Variants in POLR2F observed in about 807,000 individuals in gnomAD.
The protein encoded by POLR2F is RNA polymerase II, I and III subunit F.
Under a neutral mutation model 22.7 loss-of-function variants are expected in POLR2F, and 12 were observed. The observed-to-expected ratio is 0.53, with a 90% CI of 0.34 to 0.86. The LOEUF is 0.86. Among genes scored for constraint, POLR2F ranks in the 40% least tolerant of loss-of-function variants. The pLI is 0.02. For synonymous variants in POLR2F, 57 were observed against 66.0 expected (o/e 0.86, Z 0.66); for missense variants, 126 against 171.5 (o/e 0.73, Z 1.48).
Position 37,953,736 on chromosome 22 carries a change from CG to C in POLR2F, c.-49del, listed in dbSNP as rs375296929. 3.4e-5 allele frequency: 54 copies of C among 1,589,648 alleles called. No individual in the cohort carries two copies. Among genetic ancestry groups the C allele is most frequent in the Middle Eastern group, 3.5e-4 (2 of 5,658 alleles). Reference sequence around the variant, plus strand: ...GCGCGAGTCGTAGTGTCGCTGTTTGCGGGTCTCCGCGCGGGACCGGGGCGCA... The same window carrying C: ...GCGCGAGTCGTAGTGTCGCTGTTTGCGGTCTCCGCGCGGGACCGGGGCGCA... On this transcript the variant is annotated 5_prime_UTR_variant, in exon 1 of 5. Transcript: ENST00000442738.
At position 38,006,056 on chromosome 22, in the gene POLR2F, C is replaced by T. The variant is rs138634742; in HGVS notation, c.120+19744C>T. Among the ~76,000 whole-genome samples the T allele has an allele frequency of 7.9e-5, 12 of 152,028 alleles. 1 individual carries two copies. Among genetic ancestry groups the T allele is most frequent in the African/African-American group, 2.9e-4 (12 of 41,454 alleles). ...TGGGCAACCTAGTGAGACACCATCT[C>T]TATTGAAAAAAAATATTAGCCAAGT... On this transcript the variant is annotated intron_variant, in intron 1 of 2. Coordinates refer to the POLR2F transcript ENST00000333418.
At position 37,986,389 on chromosome 22, in the gene POLR2F, G is replaced by A. The variant is rs1382080122; in HGVS notation, c.120+77G>A. 1.6e-5 allele frequency: 24 copies of A among 1,530,596 alleles called. No homozygotes were observed. The highest frequency in any genetic ancestry group is 1.9e-5 in the Non-Finnish European group (22 of 1,144,610). 94.8% of individuals were successfully genotyped at this position (1,530,596 alleles called of 1,614,324 possible). On this transcript the variant is annotated intron_variant, in intron 1 of 2. Coordinates refer to the POLR2F transcript ENST00000333418. The surrounding 1 kb of genome is among the most constrained non-coding windows in gnomAD (Gnocchi z 4.7). ...GACCTCCCCGCTCTCTGCTGTGTCT[G>A]TGACTGGCCTGAGACCCGCCTGGGG... is the stretch of plus-strand genomic sequence containing the variant.
upstream of POLR2F, chr22:37,986,015 T>G: frequency 1.1e-4 from 72 of 681,852 alleles, no homozygotes; most frequent in Middle Eastern, 6.1e-4. This position sits in a 1 kb window ranked among gnomAD's most constrained non-coding sequence, Gnocchi z 4.7. Flanking sequence ...CTGCCAACCC[T>G]CCTCCCCCCG....
Position 37,968,606 on chromosome 22 carries a change from A to C in POLR2F, c.*891A>C. ...CTTCCTTTCTCCACCCTGCTTACCC[A>C]ACCTGAGGTAAGACCAGTCACACTG... On this transcript the variant is annotated 3_prime_UTR_variant, in exon 5 of 5. Coordinates refer to ENST00000442738, the MANE Select transcript of POLR2F (RefSeq NM_021974.5). 1 of 985,580 alleles carries C rather than the reference A, an allele frequency of 1.0e-6. No homozygotes were observed. 61.1% of individuals were successfully genotyped at this position (985,580 alleles called of 1,614,324 possible).
intron 1 of POLR2F, chr22:37,988,333 A>G (rs1210340833): frequency 6.7e-6 from 1 of 148,226 alleles, no homozygotes; most frequent in Admixed American, 6.7e-5. Flanking sequence ...TCTGTCTCAA[A>G]AAAAAAAAAA....
At chr22:38,025,455 C>T (rs2084998973) in intron 1 of POLR2F, 1 of 1,337,526 alleles carries the variant, frequency 7.5e-7, no homozygotes, top group Admixed American at 3.3e-5. Flanking sequence ...TTCATATACA[C>T]ACACGTACTC....
In POLR2F at chr22:37,978,108, G is replaced by T; in HGVS notation, c.293+10938G>T. The T allele has an allele frequency of 6.3e-7, 1 of 1,584,672 alleles. No individual in the cohort carries two copies. Among genetic ancestry groups the T allele is most frequent in the East Asian group, 2.3e-5 (1 of 44,182 alleles). ...GGAGCCGCTCAGCCTCCTCGATGAA[G>T]GGGCGCTTGTCACTTTCGTTCAGCA... On this transcript the variant is annotated intron_variant, in intron 4 of 4. Transcript: ENST00000405557. This position sits in a 1 kb window ranked among gnomAD's most constrained non-coding sequence, Gnocchi z 5.0.
chr22:38,020,198 C>T (rs1188502168), intron 1 of POLR2F, among the ~76,000 whole-genome samples: 1 of 119,494 alleles, frequency 8.4e-6, no homozygotes, highest in Non-Finnish European at 1.7e-5. Flanking sequence ...AATACACACA[C>T]ACATATATAC....
intron 1 of POLR2F, among the ~76,000 whole-genome samples, chr22:38,007,645 G>A (rs1368853579): frequency 6.6e-6 from 1 of 152,176 alleles, no homozygotes; most frequent in African/African-American, 2.4e-5. Context: ...AGGGCACCGC[G>A]GGCCTCCAGT....
chr22:38,026,806 G>A (rs994258755), downstream of POLR2F: 4 of 148,164 alleles, frequency 2.7e-5, no homozygotes, highest in African/African-American at 1.0e-4. Context: ...CCATCCCTGC[G>A]AGCGCCCCAC....
At chr22:37,957,870 A>G (rs961494975) in intron 2 of POLR2F, among the ~76,000 whole-genome samples, 2 of 152,274 alleles carry the variant, frequency 1.3e-5, no homozygotes, top group Admixed American at 6.5e-5. Flanking sequence ...TTACTTGCCC[A>G]CATGCTCAGT....
chr22:38,006,326 G>A (rs1388669102), intron 1 of POLR2F, among the ~76,000 whole-genome samples: 1 of 152,220 alleles, frequency 6.6e-6, no homozygotes, highest in Non-Finnish European at 1.5e-5. Context: ...CAGTGAGCAG[G>A]CATGTGGGTG....
At chr22:38,021,481 CTTTT>C (rs1483708429) in intron 1 of POLR2F, among the ~76,000 whole-genome samples, 1 of 152,106 alleles carries the variant, frequency 6.6e-6, no homozygotes, top group African/African-American at 2.4e-5. Context: ...TGTCCCTGAC[CTTTT>C]TCTTTTTTGA....
intron 3 of POLR2F, among the ~76,000 whole-genome samples, chr22:37,962,362 G>T (rs377074170): frequency 2.7e-4 from 41 of 152,294 alleles, no homozygotes; most frequent in African/African-American, 9.9e-4. Context: ...CTGGGCTGTT[G>T]CCTCCTCTAG....
downstream of POLR2F, chr22:38,041,114 A>G: frequency 3.7e-6 from 6 of 1,612,876 alleles, no homozygotes; most frequent in Non-Finnish European, 4.2e-6. Context: ...CCCCGTGAAC[A>G]ATGCATGGTG....
In POLR2F at chr22:37,968,274, C is replaced by A. The variant is rs1004169080; in HGVS notation, c.*559C>A. 4.1e-6 allele frequency: 4 copies of A among 985,664 alleles called. No homozygotes were observed. Among genetic ancestry groups the A allele is most frequent in the East Asian group, 1.1e-4 (1 of 8,800 alleles). The allele number at this position is 985,664 out of a possible 1,614,324, so 61.1% of individuals were successfully genotyped here. On this transcript the variant is annotated 3_prime_UTR_variant, in exon 5 of 5. Transcript: ENST00000442738. ...TCTCCCACCCTCCCCAGGCAGAGCC[C>A]TGCTGGGCAAGTCAGCAGCTGGAGC...
chr22:38,038,397 A>C (rs2085136718), intron 5 of POLR2F, among the ~76,000 whole-genome samples: 1 of 152,232 alleles, frequency 6.6e-6, no homozygotes, highest in Admixed American at 6.5e-5. Flanking sequence ...GGCAGGTGGA[A>C]GCCATGGCTC....
At chr22:38,005,066 C>T (rs547168587) in intron 1 of POLR2F, among the ~76,000 whole-genome samples, 3 of 152,350 alleles carry the variant, frequency 2.0e-5, no homozygotes, top group East Asian at 3.9e-4. Flanking sequence ...TGTATGGATT[C>T]TGCAGATTGT....
At position 38,040,282 on chromosome 22, in the gene POLR2F, CA is replaced by C. The variant is rs58402199; in HGVS notation, c.453-763del. Reference sequence around the variant, plus strand: ...CCTGGGGGCCAGTGAGACCCTGTCTCAAAAAAAAAAAAAAAAAAAAAAAGAA... The same window carrying C: ...CCTGGGGGCCAGTGAGACCCTGTCTCAAAAAAAAAAAAAAAAAAAAAAGAA... On this transcript the variant is annotated intron_variant, in intron 5 of 5. Transcript: ENST00000407936. 352 of 58,512 alleles carry C rather than the reference CA, an allele frequency of 6.0e-3. 1 individual carries two copies. Among genetic ancestry groups the C allele is most frequent in the African/African-American group, 0.019 (276 of 14,546 alleles). 3.6% of individuals were successfully genotyped at this position (58,512 alleles called of 1,614,324 possible). A position where few individuals can be genotyped will look rare whatever the true frequency, so the allele number is the denominator to read the frequency against.
Sources: allele counts gnomAD v4.1 joint callset (sites outside exome capture counted in the v4.1 genomes callset), GRCh38; gene constraint gnomAD v4.1.1; non-coding constraint Gnocchi (gnomAD v3.1); transcripts MANE v1.5; gene names NCBI Gene and HGNC (gene_info 2026-07-23, HGNC 2026-07-21).